MROH9: variants seen among roughly 807,000 people sequenced by gnomAD.
MROH9 encodes maestro heat like repeat family member 9.
A neutral mutation model predicts 98.2 loss-of-function variants in MROH9; 92 were observed. The observed-to-expected ratio is 0.94, with a 90% CI of 0.79 to 1.11. The LOEUF (loss-of-function observed/expected upper bound fraction) is 1.11. Among genes scored for constraint, MROH9 ranks in the 50% most tolerant of loss-of-function variants. The probability of loss-of-function intolerance (pLI) is 0.00; values close to 1 mark genes in which losing one functional copy is unlikely to be tolerated. For synonymous variants in MROH9, 397 were observed against 368.9 expected (o/e 1.08, Z -0.87); for missense variants, 1,057 against 1,014.8 (o/e 1.04, Z -0.57).
intron 15 of MROH9, among the ~76,000 whole-genome samples, chr1:171,008,908 A>G (rs1236006198): frequency 6.6e-6 from 1 of 152,132 alleles, no homozygotes; most frequent in African/African-American, 2.4e-5. Context: ...TGTATTATGT[A>G]CTATAGAAGT....
chr1:171,055,553 G>A (rs1378545006), intron 20 of MROH9, among the ~76,000 whole-genome samples: 1 of 151,032 alleles, frequency 6.6e-6, no homozygotes, highest in Admixed American at 6.6e-5. Flanking sequence ...AATCTGGGAG[G>A]TGGAGGTTGC....
At chr1:170,967,724 A>T (rs1434483109) in intron 7 of MROH9, among the ~76,000 whole-genome samples, 1 of 152,160 alleles carries the variant, frequency 6.6e-6, no homozygotes, top group African/African-American at 2.4e-5. Flanking sequence ...TCATGTGCCC[A>T]TCAGGGTAGA....
chr1:170,974,168 A>T (rs1650591939), intron 8 of MROH9, among the ~76,000 whole-genome samples: 1 of 152,202 alleles, frequency 6.6e-6, no homozygotes, highest in South Asian at 2.1e-4. Flanking sequence ...GCTATCAGGC[A>T]TGTCTAATAT....
chr1:170,996,726 A>G (rs1557890860), intron 14 of MROH9, 82 bp downstream of exon 14: 15 of 1,349,960 alleles, frequency 1.1e-5, no homozygotes, highest in Non-Finnish European at 1.4e-5. Flanking sequence ...TGCGGGAACA[A>G]GATAGGCATC....
chr1:170,948,074 G>A (rs1418608859), intron 3 of MROH9, among the ~76,000 whole-genome samples: 7 of 151,974 alleles, frequency 4.6e-5, no homozygotes, highest in Non-Finnish European at 1.0e-4. Context: ...CTTGAGAGCA[G>A]AGATTGTGAT....
rs530407698 is a variant in MROH9 at position 170,960,770 on chromosome 1, G to A, written c.289-1120G>A. Among the ~76,000 whole-genome samples, 8 of 152,152 alleles carry A rather than the reference G, an allele frequency of 5.3e-5. No homozygotes were observed. In the South Asian group the frequency reaches 1.7e-3, roughly 32 times the overall value. On this transcript the variant is annotated intron_variant, in intron 5 of 21. Coordinates refer to ENST00000367759, the MANE Select transcript of MROH9 (RefSeq NM_001163629.2). ...CTCAAGTAGCTAGGACTACAGACAT[G>A]CACCACCATACCTGGCTAATTTTTG...
At chr1:170,969,932 T>C (rs1256626804) in intron 7 of MROH9, among the ~76,000 whole-genome samples, 1 of 152,142 alleles carries the variant, frequency 6.6e-6, no homozygotes, top group Non-Finnish European at 1.5e-5. Flanking sequence ...TGGCAGGATA[T>C]ACATCAGTGT....
At chr1:171,021,933 G>A (rs962695469) in intron 17 of MROH9, among the ~76,000 whole-genome samples, 4 of 151,256 alleles carry the variant, frequency 2.6e-5, no homozygotes, top group Non-Finnish European at 2.9e-5. Context: ...TCAAAAAGTG[G>A]GCAAAGCATA....
rs116095687 is a variant in MROH9 at position 171,022,670 on chromosome 1, A to T, written c.1909-1725A>T. Among the ~76,000 whole-genome samples the T allele has an allele frequency of 8.5e-3, 1,301 of 152,214 alleles. 6 individuals are homozygous for T. Among genetic ancestry groups the T allele is most frequent in the South Asian group, 0.022 (105 of 4,820 alleles). ...GCATATGGGGCTTAAAACCTAGATG[A>T]TGGGGTGATAGGTGCAGCAAACCAG... On this transcript the variant is annotated intron_variant, in intron 17 of 21. Transcript: ENST00000367759.
chr1:170,966,297 T>C (rs1650233706), intron 7 of MROH9, among the ~76,000 whole-genome samples: 1 of 152,086 alleles, frequency 6.6e-6, no homozygotes, highest in Non-Finnish European at 1.5e-5. Context: ...ACTGAGTTTG[T>C]CTATACTTTG....
At chr1:171,008,355 T>C (rs912901643) in intron 15 of MROH9, among the ~76,000 whole-genome samples, 1 of 152,220 alleles carries the variant, frequency 6.6e-6, no homozygotes, top group Non-Finnish European at 1.5e-5. Context: ...CTTATTAGAA[T>C]TTTATTAAGA....
At chr1:170,972,918 G>T (rs1015515792) in intron 8 of MROH9, among the ~76,000 whole-genome samples, 1 of 150,776 alleles carries the variant, frequency 6.6e-6, no homozygotes, top group Non-Finnish European at 1.5e-5. Flanking sequence ...GAAAGATGAG[G>T]AGGTGAGAAC....
intron 6 of MROH9, 123 bp downstream of exon 6, chr1:170,962,099 T>A: frequency 1.7e-6 from 1 of 583,640 alleles, no homozygotes; most frequent in Non-Finnish European, 3.0e-6. Context: ...AAAGTTTTTC[T>A]TTACCACAGA....
chr1:171,031,611 C>G (rs1652917385), intron 20 of MROH9, among the ~76,000 whole-genome samples: 1 of 152,192 alleles, frequency 6.6e-6, no homozygotes, highest in South Asian at 2.1e-4. Flanking sequence ...GTCCCCCAAT[C>G]TCTTCTGGCT....
intron 20 of MROH9, among the ~76,000 whole-genome samples, chr1:171,029,408 C>CCATGTTGT (rs1652832162): frequency 6.6e-6 from 1 of 152,038 alleles, no homozygotes; most frequent in Non-Finnish European, 1.5e-5. Context: ...CGAGGTTTCA[C>CCATGTTGT]CATGTTGTTC....
At chr1:170,946,635 C>T (rs1649339753) in intron 2 of MROH9, among the ~76,000 whole-genome samples, 2 of 151,850 alleles carry the variant, frequency 1.3e-5, no homozygotes, top group Admixed American at 6.6e-5. Flanking sequence ...ACTGTCTTTG[C>T]AACTTTCCTA....
At chr1:171,060,417 T>G (rs1234935471) in intron 20 of MROH9, among the ~76,000 whole-genome samples, 1 of 152,196 alleles carries the variant, frequency 6.6e-6, no homozygotes, top group African/African-American at 2.4e-5. Context: ...ATTTTGGGTG[T>G]GTGTATGAAA....
intron 20 of MROH9, among the ~76,000 whole-genome samples, chr1:171,034,128 A>T (rs1653020702): frequency 1.3e-5 from 2 of 152,192 alleles, no homozygotes. Flanking sequence ...ATACTAAAAA[A>T]ACTTTTATAG....
intron 8 of MROH9, among the ~76,000 whole-genome samples, chr1:170,981,496 A>T (rs1650926257): frequency 6.6e-6 from 1 of 152,172 alleles, no homozygotes; most frequent in East Asian, 1.9e-4. Flanking sequence ...TATCCTCAGC[A>T]AACTAACACA....
Sources: gnomAD v4.1 joint callset for allele counts (sites outside exome capture counted in the v4.1 genomes callset) on GRCh38, gnomAD v4.1.1 for gene constraint, MANE v1.5 for transcripts, NCBI Gene and HGNC (gene_info 2026-07-23, HGNC 2026-07-21) for gene names.